The following LAMB3 variants were observed in gnomAD, a reference collection of about 807,000 sequenced individuals.
LAMB3 encodes laminin subunit beta 3.
In LAMB3, 104 loss-of-function variants were observed where a neutral mutation model predicts 140.3. The observed-to-expected ratio is 0.74, with a 90% CI of 0.63 to 0.87. The LOEUF is 0.87. Ranked by LOEUF, LAMB3 falls within the 40% of genes least tolerant of loss-of-function variation. The pLI is 0.00. For synonymous variants in LAMB3, 592 were observed against 602.9 expected, an observed-to-expected ratio of 0.98 and a Z score of 0.26; for missense variants, 1,531 against 1,575.2, an observed-to-expected ratio of 0.97 and a Z score of 0.47.
intron 17 of LAMB3, 21 bp downstream of exon 17, chr1:209,622,961 C>A: frequency 6.2e-7 from 1 of 1,611,746 alleles, no homozygotes; most frequent in Non-Finnish European, 8.5e-7. Context: ...CCTGTGCCCA[C>A]CCCGCCTCGG....
chr1:209,615,531 T>C, intron 22 of LAMB3, 124 bp from the exon 23 acceptor site: 3 of 1,192,578 alleles, frequency 2.5e-6, no homozygotes, highest in Non-Finnish European at 3.4e-6. Flanking sequence ...TCCAGAAAAA[T>C]CTGGCCTCTA....
At position 209,615,384 on chromosome 1, in the gene LAMB3, C is replaced by A; in HGVS notation, c.3406G>T (p.Gly1136Cys). ...GAGCGCAGCATGATGGCCTGGCTGC[C>A]CCGCAGCAGCTCCAACTCCATGTCT... ...MKDMELELLR[G>C]SQAIMLRSAD... The change falls in exon 23 of 23, where the codon GGC becomes TGC. Residue 1136 changes from glycine (G) to cysteine (C), a missense_variant. Physicochemically the swap from Gly to Cys is radical, Grantham distance 159. Transcript: ENST00000356082. The A allele has an allele frequency of 6.2e-7, 1 of 1,607,396 alleles. No individual in the cohort carries two copies. Among genetic ancestry groups the A allele is most frequent in the Non-Finnish European group, 8.5e-7 (1 of 1,175,708 alleles).
At chr1:209,616,669 G>A (rs767456724) in intron 21 of LAMB3, 45 bp from the exon 22 acceptor site, 4 of 1,601,194 alleles carry the variant, frequency 2.5e-6, no homozygotes, top group African/African-American at 2.7e-5. Flanking sequence ...ATCATGCAAG[G>A]TCCTAAAGAC....
chr1:209,636,531 C>G (rs1338066697), intron 5 of LAMB3, among the ~76,000 whole-genome samples: 1 of 152,060 alleles, frequency 6.6e-6, no homozygotes, highest in Non-Finnish European at 1.5e-5. Flanking sequence ...TCAGTCTGCT[C>G]CCCTCCCCCT....
chr1:209,626,094 C>T (rs1666440782), intron 13 of LAMB3, 68 bp from the exon 14 acceptor site: 2 of 1,548,004 alleles, frequency 1.3e-6, no homozygotes, highest in African/African-American at 1.4e-5. Flanking sequence ...CAGGGAGAGC[C>T]CTGAAGAGGA....
intron 5 of LAMB3, among the ~76,000 whole-genome samples, chr1:209,636,111 A>G (rs1389528733): frequency 6.8e-6 from 1 of 146,634 alleles, no homozygotes; most frequent in African/African-American, 2.6e-5. Context: ...TTTCTATTTC[A>G]GCATCTTGTT....
chr1:209,627,592 A>T lies in LAMB3; in HGVS notation c.1289-13T>A, dbSNP rs749018312. On this transcript the variant is annotated splice_polypyrimidine_tract_variant and intron_variant, in intron 11 of 22. Transcript: ENST00000356082. Reference sequence around the variant, plus strand: ...TTGCAGTCACAGCCTGCAGGAGGAGAGCTGCTGAGCTCAGGCAGACGCTCC... The same window carrying T: ...TTGCAGTCACAGCCTGCAGGAGGAGTGCTGCTGAGCTCAGGCAGACGCTCC... 1 of 1,613,250 alleles carries T rather than the reference A, an allele frequency of 6.2e-7. No homozygotes were observed. The highest frequency in any genetic ancestry group is 1.3e-5 in the African/African-American group (1 of 74,982).
chr1:209,622,317 G>A (rs1666226175), intron 18 of LAMB3, among the ~76,000 whole-genome samples: 1 of 152,212 alleles, frequency 6.6e-6, no homozygotes, highest in South Asian at 2.1e-4. Flanking sequence ...TATTTCAGCT[G>A]TTGTGTTGAG....
Position 209,628,154 on chromosome 1 carries a change from G to GC in LAMB3, c.1168dup (p.Ala390GlyfsTer4). 1 of 1,570,128 alleles carries GC rather than the reference G, an allele frequency of 6.4e-7. No homozygotes were observed. The highest frequency in any genetic ancestry group is 8.6e-7 in the Non-Finnish European group (1 of 1,156,740). Reference sequence around the variant, plus strand: ...CTGCCCGGTCACTGGGTCACAGGGAGCCCCTGGCACTGCCCCATCCGGATC... The same window carrying GC: ...CTGCCCGGTCACTGGGTCACAGGGAGCCCCCTGGCACTGCCCCATCCGGATC... On this transcript the variant is annotated frameshift_variant, in exon 11 of 23. Coordinates refer to ENST00000356082, the MANE Select transcript of LAMB3 (RefSeq NM_000228.3). LOFTEE classifies it high-confidence loss of function.
intron 18 of LAMB3, among the ~76,000 whole-genome samples, chr1:209,619,802 A>G (rs1053465590): frequency 3.9e-5 from 6 of 152,214 alleles, no homozygotes; most frequent in African/African-American, 7.2e-5. Flanking sequence ...CTGGTCACAC[A>G]GGTCTCATTC....
In LAMB3 at chr1:209,632,559, C is replaced by G. The variant is rs60173216; in HGVS notation, c.822+24G>C. ...TGCCCTGGTCCTGCCCCCTTCCTCT[C>G]CCCTTCCCACCCTAGGCTGTTACCT... On this transcript the variant is annotated intron_variant, in intron 8 of 22. Transcript: ENST00000356082. 2.3e-3 allele frequency: 3,686 copies of G among 1,607,500 alleles called. 82 individuals carry two copies. The African/African-American group carries it at 0.044, about 19-fold the overall frequency.
chr1:209,622,579 T>C lies in LAMB3; in HGVS notation c.2658A>G (p.Arg886=). The change falls in exon 18 of 23, where the codon AGA becomes AGG. Residue 886 remains arginine (R), a synonymous_variant. Transcript: ENST00000356082. ...ASRSQMEEDV[R]RTRLLIQQVR... ...CCTGCTGGATTAGGAGCCGTGTGCGTCTGACATCTTCCTCCATCTGGGAGC... is the reference window on the plus strand; with the variant it reads ...CCTGCTGGATTAGGAGCCGTGTGCGCCTGACATCTTCCTCCATCTGGGAGC... 1 of 1,614,124 alleles carries C rather than the reference T, an allele frequency of 6.2e-7. No homozygotes were observed. The highest frequency in any genetic ancestry group is 8.5e-7 in the Non-Finnish European group (1 of 1,180,014).
Position 209,625,918 on chromosome 1 carries a change from C to A in LAMB3, c.1706G>T (p.Arg569Leu). 1 of 1,613,814 alleles carries A rather than the reference C, an allele frequency of 6.2e-7. No individual in the cohort carries two copies. The highest frequency in any genetic ancestry group is 1.1e-5 in the South Asian group (1 of 91,086). The change falls in exon 14 of 23, where the codon CGA becomes CTA. Residue 569 changes from arginine to leucine, a missense_variant. By Grantham distance (102) the Arg-to-Leu change is moderately radical (BLOSUM62 -2). Coordinates refer to ENST00000356082, the MANE Select transcript of LAMB3 (RefSeq NM_000228.3). ...LTGPRCDQCQ[R>L]GYCNRYPVCV... ...CACCGGGTAGCGATTACAGTAGCCT[C>A]GCTGGCACTGGTCACAGCGGGGCCC...
rs115637123 is a variant in LAMB3, at chr1:209,619,298, G to A, written c.2702-639C>T. The stretch of plus-strand genomic sequence containing the variant: ...GCCAAACACTGTACTCATTTAACTG[G>A]TTTGTTTGGTCTCTTTTCCTCTAGA... On this transcript the variant is annotated intron_variant, in intron 18 of 22. Transcript: ENST00000356082. Among the ~76,000 whole-genome samples, 410 of 152,276 alleles carry A rather than the reference G, an allele frequency of 2.7e-3. 2 individuals carry two copies. The highest frequency in any genetic ancestry group is 9.6e-3 in the African/African-American group (397 of 41,548).
chr1:209,617,739 G>A (rs1345866600), intron 20 of LAMB3, among the ~76,000 whole-genome samples, 153 bp from the exon 21 acceptor site: 1 of 152,102 alleles, frequency 6.6e-6, no homozygotes, highest in Non-Finnish European at 1.5e-5. Context: ...CTGCATCCCA[G>A]CCACAAGACC....
At position 209,628,212 on chromosome 1, in the gene LAMB3, C is replaced by T. The variant is rs767847211; in HGVS notation, c.1133-22G>A. ...CAGGCTGAGAGACAACAGCAGCCAC[C>T]GCAGTAGGAACAAAGAAAAGTAGAG... On this transcript the variant is annotated intron_variant, in intron 10 of 22. Coordinates refer to ENST00000356082, the MANE Select transcript of LAMB3 (RefSeq NM_000228.3). The T allele has an allele frequency of 1.2e-5, 18 of 1,551,976 alleles. No individual in the cohort carries two copies. Among genetic ancestry groups the T allele is most frequent in the Non-Finnish European group, 1.5e-5 (17 of 1,147,406 alleles).
At position 209,618,463 on chromosome 1, in the gene LAMB3, A is replaced by G. The variant is rs1164331313; in HGVS notation, c.2898T>C (p.Ala966=). The change falls in exon 19 of 23, where the codon GCT becomes GCC. Residue 966 remains alanine, a synonymous_variant. Transcript: ENST00000356082. ...IARARRLQAE[A]EEARSRAHAV... ...GCCCAAGGCCATACCTGGCTTCCTC[A>G]GCCTCAGCCTGCAACCGGCGGGCAC... The G allele has an allele frequency of 1.2e-6, 2 of 1,613,948 alleles. No individual in the cohort carries two copies. Among genetic ancestry groups the G allele is most frequent in the Non-Finnish European group, 1.7e-6 (2 of 1,180,020 alleles).
chr1:209,648,931 TC>T (rs1289763147), intron 3 of LAMB3, among the ~76,000 whole-genome samples: 2 of 152,160 alleles, frequency 1.3e-5, no homozygotes, highest in Admixed American at 6.5e-5. Context: ...CATGGAGTAA[TC>T]TAGACCCACA....
At position 209,634,708 on chromosome 1, in the gene LAMB3, G is replaced by T. The variant is rs553430247; in HGVS notation, c.373-70C>A. 4.6e-6 allele frequency: 6 copies of T among 1,299,408 alleles called. No individual in the cohort carries two copies. In the African/African-American group the frequency reaches 7.2e-5, roughly 16 times the overall value. 80.5% of individuals were successfully genotyped at this position (1,299,408 alleles called of 1,614,324 possible). A position where few individuals can be genotyped will look rare whatever the true frequency, so the allele number is the denominator to read the frequency against. On this transcript the variant is annotated intron_variant, in intron 5 of 22. Transcript: ENST00000356082. ...TGCCCCGTGGAGACACAAGCAGAGAGACAGGCTCCTCCAGTGAACTCGGGA... is the reference window on the plus strand; with the variant it reads ...TGCCCCGTGGAGACACAAGCAGAGATACAGGCTCCTCCAGTGAACTCGGGA...
Sources: gnomAD v4.1 joint callset for allele counts (sites outside exome capture counted in the v4.1 genomes callset) on GRCh38, gnomAD v4.1.1 for gene constraint, MANE v1.5 for transcripts, NCBI Gene and HGNC (gene_info 2026-07-23, HGNC 2026-07-21) for gene names.